RFX3: variants seen among roughly 807,000 people sequenced by gnomAD.
The protein encoded by RFX3 is regulatory factor X3.
RFX3 carries 14 observed loss-of-function variants against 98.6 expected under a neutral mutation model. That is an observed-to-expected ratio of 0.14 (90% CI 0.09 to 0.22). RFX3 has a LOEUF of 0.22. RFX3 is among the 10% of genes least tolerant of loss of function. RFX3 has a pLI of 1.00. For missense variants in RFX3, 639 were observed against 926.9 expected, an observed-to-expected ratio of 0.69 and a Z score of 4.03; for synonymous variants, 383 against 328.4, an observed-to-expected ratio of 1.17 and a Z score of -1.80.
intron 1 of RFX3, among the ~76,000 whole-genome samples, chr9:3,428,313 C>T (rs1844310530): frequency 6.6e-6 from 1 of 152,046 alleles, no homozygotes; most frequent in African/African-American, 2.4e-5. Context: ...AATTTATCAG[C>T]TTGAGTTGAA....
chr9:3,422,615 C>G lies in RFX3; in HGVS notation c.-8-27019G>C, dbSNP rs199749628. On this transcript the variant is annotated intron_variant, in intron 1 of 16. Transcript: ENST00000617270. ...TCAACAACTTGAATCATTCAATATG[C>G]CAGTTAAGAAGACTCCAAAATAAGT... is the stretch of plus-strand genomic sequence containing the variant. Among the ~76,000 whole-genome samples the G allele has an allele frequency of 3.3e-5, 5 of 152,240 alleles. No individual in the cohort carries two copies. The East Asian group carries it at 9.6e-4, about 29-fold the overall frequency.
chr9:3,445,239 G>A (rs1292322444), intron 1 of RFX3, among the ~76,000 whole-genome samples: 2 of 145,478 alleles, frequency 1.4e-5, no homozygotes, highest in Admixed American at 1.4e-4. Context: ...CATAAAGTAA[G>A]TTATTATAAA....
chr9:3,255,232 A>G (rs1291154522), intron 14 of RFX3, among the ~76,000 whole-genome samples: 1 of 152,252 alleles, frequency 6.6e-6, no homozygotes, highest in Non-Finnish European at 1.5e-5. Flanking sequence ...AACTACCATC[A>G]TAATTAAAAG....
intron 11 of RFX3, among the ~76,000 whole-genome samples, chr9:3,266,718 A>G (rs1278474385): frequency 6.6e-6 from 1 of 151,952 alleles, no homozygotes; most frequent in African/African-American, 2.4e-5. Context: ...ATCTATTTTC[A>G]TTTCTTTTAT....
At chr9:3,347,833 A>G (rs925100995) in intron 2 of RFX3, among the ~76,000 whole-genome samples, 2 of 152,208 alleles carry the variant, frequency 1.3e-5, no homozygotes, top group African/African-American at 2.4e-5. Flanking sequence ...TCTCAAAAAA[A>G]CAAAGGAATT....
At chr9:3,348,534 T>C (rs925191649) in intron 2 of RFX3, among the ~76,000 whole-genome samples, 3 of 151,776 alleles carry the variant, frequency 2.0e-5, no homozygotes, top group Admixed American at 2.0e-4. Flanking sequence ...CTTCATTTAT[T>C]AGCAAAATCC....
chr9:3,453,896 G>T (rs181958722), intron 1 of RFX3, among the ~76,000 whole-genome samples: 2 of 151,294 alleles, frequency 1.3e-5, no homozygotes, highest in Middle Eastern at 3.2e-3. Context: ...AATATACCCC[G>T]GTCTTTTTGC....
At chr9:3,505,426 A>G (rs1816966790) in intron 1 of RFX3, among the ~76,000 whole-genome samples, 1 of 59,432 alleles carries the variant, frequency 1.7e-5, no homozygotes, top group Non-Finnish European at 3.7e-5. Flanking sequence ...TATAAAATAT[A>G]AAATAAAATA....
At chr9:3,325,937 A>T (rs963896037) in intron 4 of RFX3, among the ~76,000 whole-genome samples, 9 of 152,174 alleles carry the variant, frequency 5.9e-5, no homozygotes, top group Non-Finnish European at 1.3e-4. Flanking sequence ...TGAGTTCAGA[A>T]TTATGACTGT....
intron 1 of RFX3, among the ~76,000 whole-genome samples, chr9:3,510,633 T>C (rs1817580038): frequency 6.6e-6 from 1 of 152,094 alleles, no homozygotes; most frequent in Non-Finnish European, 1.5e-5. Flanking sequence ...TGATTTTAAG[T>C]ACAAGGTATC....
intron 1 of RFX3, among the ~76,000 whole-genome samples, chr9:3,416,017 T>G (rs1185850172): frequency 6.6e-6 from 1 of 152,218 alleles, no homozygotes; most frequent in African/African-American, 2.4e-5. Context: ...CTCTAACATG[T>G]GCACAACATG....
intron 2 of RFX3, 142 bp from the exon 3 acceptor site, chr9:3,346,906 T>C (rs1468539556): frequency 1.6e-5 from 10 of 632,758 alleles, no homozygotes; most frequent in Non-Finnish European, 2.6e-5. Flanking sequence ...ATTCATGTCA[T>C]AGTTTCAAGA....
intron 1 of RFX3, among the ~76,000 whole-genome samples, chr9:3,439,555 G>A (rs1198278104): frequency 1.3e-5 from 2 of 151,956 alleles, no homozygotes. Context: ...AATAGCAGAA[G>A]TAATCAATTC....
chr9:3,272,624 G>A (rs548073910), intron 9 of RFX3, among the ~76,000 whole-genome samples: 1 of 152,290 alleles, frequency 6.6e-6, no homozygotes, highest in African/African-American at 2.4e-5. Flanking sequence ...GCAAATTTTT[G>A]TAACTGCTTT....
intron 1 of RFX3, among the ~76,000 whole-genome samples, chr9:3,450,934 A>T (rs1037838376): frequency 2.6e-5 from 4 of 152,190 alleles, no homozygotes; most frequent in Admixed American, 1.3e-4. Flanking sequence ...AAAGAGCTGC[A>T]ATTACAACTG....
intron 2 of RFX3, among the ~76,000 whole-genome samples, chr9:3,378,589 T>G (rs1205517767): frequency 6.9e-6 from 1 of 145,572 alleles, no homozygotes; most frequent in Admixed American, 7.0e-5. Context: ...GGAGTTTCAC[T>G]CTTGTCACCC....
rs547160228 is a variant in RFX3 at position 3,466,241 on chromosome 9, G to A, written c.-9+59506C>T. ...TAATTTTAAATAATAGAAAAACAGA[G>A]ACTCAGGAAGGTATACATATATGCT... On this transcript the variant is annotated intron_variant, in intron 1 of 16. Coordinates refer to ENST00000617270, the MANE Select transcript of RFX3 (RefSeq NM_001282116.2). Among the ~76,000 whole-genome samples the A allele has an allele frequency of 2.6e-5, 4 of 152,014 alleles. No individual in the cohort carries two copies. In the South Asian group the frequency reaches 6.2e-4, roughly 24 times the overall value.
intron 13 of RFX3, among the ~76,000 whole-genome samples, chr9:3,261,687 G>A (rs752848326): frequency 2.0e-5 from 3 of 152,004 alleles, no homozygotes; most frequent in Admixed American, 6.6e-5. Flanking sequence ...TGAGTCATAC[G>A]GTAACTATAT....
intron 1 of RFX3, among the ~76,000 whole-genome samples, chr9:3,476,053 C>T (rs1006360298): frequency 2.6e-5 from 4 of 152,100 alleles, no homozygotes; most frequent in Admixed American, 1.3e-4. Context: ...CTCACTATGT[C>T]CCCTCAGCTC....
Sources: gnomAD v4.1 joint callset for allele counts (sites outside exome capture counted in the v4.1 genomes callset) on GRCh38, gnomAD v4.1.1 for gene constraint, MANE v1.5 for transcripts, NCBI Gene and HGNC (gene_info 2026-07-23, HGNC 2026-07-21) for gene names.